EGFR: variants seen among roughly 807,000 people sequenced by gnomAD.
The protein encoded by EGFR is epidermal growth factor receptor.
Under a neutral mutation model 143.0 loss-of-function variants are expected in EGFR, and 58 were observed. That is an observed-to-expected ratio of 0.41 (90% confidence interval 0.33 to 0.50). The LOEUF (loss-of-function observed/expected upper bound fraction) is 0.50. EGFR is among the 20% of genes least tolerant of loss of function. The pLI is 0.39. For synonymous variants in EGFR, 613 were observed against 594.4 expected (o/e 1.03, Z -0.45); for missense variants, 1,307 against 1,579.0 (o/e 0.83, Z 2.92).
At chr7:55,171,273 G>A (rs1430756054) in intron 16 of EGFR, 60 bp downstream of exon 16, 1 of 1,602,814 alleles carries the variant, frequency 6.2e-7, no homozygotes, top group Admixed American at 1.7e-5. Context: ...ACTGCTGTGG[G>A]TGAAGATGCT....
At chr7:55,149,650 C>T (rs961112917) in intron 4 of EGFR, among the ~76,000 whole-genome samples, 1 of 151,996 alleles carries the variant, frequency 6.6e-6, no homozygotes, top group Non-Finnish European at 1.5e-5. Flanking sequence ...ATAGCTTTGA[C>T]CAATCAATAT....
At chr7:55,059,466 T>C (rs1163219690) in intron 1 of EGFR, among the ~76,000 whole-genome samples, 1 of 152,090 alleles carries the variant, frequency 6.6e-6, no homozygotes, top group Non-Finnish European at 1.5e-5. Context: ...CCAATATTGA[T>C]ACATTATTCA....
chr7:55,059,405 C>A (rs958212582), intron 1 of EGFR, among the ~76,000 whole-genome samples: 1 of 152,092 alleles, frequency 6.6e-6, no homozygotes, highest in Non-Finnish European at 1.5e-5. Context: ...GCAGGTTTCC[C>A]CTATTATTAA....
chr7:55,081,220 G>A (rs1395461542), intron 1 of EGFR, among the ~76,000 whole-genome samples: 1 of 152,174 alleles, frequency 6.6e-6, no homozygotes, highest in Non-Finnish European at 1.5e-5. Context: ...ATGATTAACA[G>A]GGCAATTATC....
At chr7:55,173,197 G>T in intron 17 of EGFR, 73 bp downstream of exon 17, 7 of 1,585,864 alleles carry the variant, frequency 4.4e-6, no homozygotes, top group Non-Finnish European at 6.0e-6. Flanking sequence ...CCGAGAACGG[G>T]CCATTAGCAG....
chr7:55,148,397 G>C (rs1400403558), intron 4 of EGFR, among the ~76,000 whole-genome samples: 1 of 152,104 alleles, frequency 6.6e-6, no homozygotes, highest in East Asian at 1.9e-4. Flanking sequence ...CACAGAGAAA[G>C]TGCTGGAAAG....
chr7:55,163,095 G>A (rs1473772149), intron 13 of EGFR, among the ~76,000 whole-genome samples: 1 of 152,200 alleles, frequency 6.6e-6, no homozygotes, highest in Non-Finnish European at 1.5e-5. Context: ...CCTAGCCAAG[G>A]CACACACTTT....
At position 55,206,107 on chromosome 7, in the gene EGFR, G is replaced by C; in HGVS notation, c.*490G>C. 1 of 313,902 alleles carries C rather than the reference G, an allele frequency of 3.2e-6. No homozygotes were observed. The highest frequency in any genetic ancestry group is 5.7e-5 in the South Asian group (1 of 17,574). The allele number at this position is 313,902 out of a possible 1,614,324, so 19.4% of individuals were successfully genotyped here. A position where few individuals can be genotyped will look rare whatever the true frequency, so the allele number is the denominator to read the frequency against. On this transcript the variant is annotated 3_prime_UTR_variant, in exon 28 of 28. Coordinates refer to ENST00000275493, the MANE Select transcript of EGFR (RefSeq NM_005228.5). ...GAGGATGCTTGATTCCAGTGGTTCT[G>C]CTTCAAGGCTTCCACTGCAAAACAC...
chr7:55,046,250 C>A (rs192560040), intron 1 of EGFR, among the ~76,000 whole-genome samples: 3 of 152,210 alleles, frequency 2.0e-5, no homozygotes, highest in Non-Finnish European at 4.4e-5. Context: ...GGGCCTCAGT[C>A]TTTTTACTTT....
At chr7:55,109,566 G>A (rs1792339662) in intron 1 of EGFR, among the ~76,000 whole-genome samples, 1 of 152,244 alleles carries the variant, frequency 6.6e-6, no homozygotes. Flanking sequence ...GACAAGACAG[G>A]TTCTGAAGCA....
chr7:55,146,844 C>A, intron 4 of EGFR, 104 bp downstream of exon 4: 1 of 1,507,948 alleles, frequency 6.6e-7, no homozygotes, highest in Non-Finnish European at 9.1e-7. Flanking sequence ...TCACATTAAT[C>A]AGAAACAAAA....
chr7:55,152,161 C>A (rs769250590), intron 5 of EGFR, among the ~76,000 whole-genome samples: 1 of 152,114 alleles, frequency 6.6e-6, no homozygotes, highest in Non-Finnish European at 1.5e-5. Context: ...GGCCAAGGAA[C>A]CTGGGGACAT....
chr7:55,111,432 C>A (rs1230529599), intron 1 of EGFR, among the ~76,000 whole-genome samples: 1 of 151,740 alleles, frequency 6.6e-6, no homozygotes, highest in Non-Finnish European at 1.5e-5. Flanking sequence ...GTTTCCTGAG[C>A]CTGTTTGTGC....
intron 1 of EGFR, among the ~76,000 whole-genome samples, chr7:55,114,823 G>A (rs553615448): frequency 6.6e-5 from 10 of 150,810 alleles, no homozygotes; most frequent in African/African-American, 2.2e-4. Flanking sequence ...ATCAGCTTTT[G>A]AGAGAAGGAC....
intron 3 of EGFR, 133 bp from the exon 4 acceptor site, chr7:55,146,472 TG>T: frequency 7.0e-7 from 1 of 1,428,816 alleles, no homozygotes; most frequent in Non-Finnish European, 9.5e-7. Context: ...GGAAGTTCAC[TG>T]GGCTAATTGC....
At chr7:55,039,376 A>AGGAT (rs1325591569) in intron 1 of EGFR, among the ~76,000 whole-genome samples, 5 of 152,244 alleles carry the variant, frequency 3.3e-5, no homozygotes, top group African/African-American at 9.6e-5. Flanking sequence ...AGAGATGACC[A>AGGAT]GGATGGTGGA....
rs570334434 is a variant in EGFR, at chr7:55,207,367, A to G, written c.*1750A>G. On this transcript the variant is annotated 3_prime_UTR_variant, in exon 28 of 28. Coordinates refer to ENST00000275493, the MANE Select transcript of EGFR (RefSeq NM_005228.5). ...TGCTCTCAAATACCCCTAAGCATCT[A>G]TACTAGCCTGGTATGGGTATGAAAG... 28 of 224,894 alleles carry G rather than the reference A, an allele frequency of 1.2e-4. No individual in the cohort carries two copies. The highest frequency in any genetic ancestry group is 1.9e-4 in the Non-Finnish European group (22 of 112,916). 13.9% of individuals were successfully genotyped at this position (224,894 alleles called of 1,614,324 possible).
intron 1 of EGFR, among the ~76,000 whole-genome samples, chr7:55,092,702 C>T (rs148780437): frequency 6.6e-6 from 1 of 152,356 alleles, no homozygotes; most frequent in East Asian, 1.9e-4. Context: ...TAGATGTCAC[C>T]GAGCACCATG....
intron 1 of EGFR, among the ~76,000 whole-genome samples, chr7:55,021,184 T>C (rs988989515): frequency 2.0e-5 from 3 of 152,350 alleles, no homozygotes; most frequent in African/African-American, 7.2e-5. Flanking sequence ...CCGCTTTTCA[T>C]TGAAGGAACT....
Sources: allele counts gnomAD v4.1 joint callset (sites outside exome capture counted in the v4.1 genomes callset), GRCh38; gene constraint gnomAD v4.1.1; transcripts MANE v1.5; gene names NCBI Gene and HGNC (gene_info 2026-07-23, HGNC 2026-07-21).